The following PKDREJ variants were observed in gnomAD, a reference collection of about 807,000 sequenced individuals.
PKDREJ encodes the protein polycystin family receptor for egg jelly, also known as PKD and REJ homolog.
For missense variants in PKDREJ, 2,507 were observed against 2,807.2 expected, an observed-to-expected ratio of 0.89 and a Z score of 2.42; for synonymous variants, 1,031 against 1,095.5, an observed-to-expected ratio of 0.94 and a Z score of 1.16.
rs771232322 is a variant in PKDREJ, at chr22:46,262,378, G to C, written c.945C>G (p.Asn315Lys). Reference sequence around the variant, plus strand: ...AGTCTTTCACCTCGGGCATCTTGGGGTTCCCTGTGGTGATGGACACCGTGA... The same window carrying C: ...AGTCTTTCACCTCGGGCATCTTGGGCTTCCCTGTGGTGATGGACACCGTGA... ...FNFTVSITTG[N>K]PKMPEVKDSD... Residue 315 changes from asparagine (N) to lysine (K), a missense_variant, in exon 1 of 1, where the codon AAC (asparagine) becomes AAG (lysine). By Grantham distance (94) the Asn-to-Lys change is moderately conservative. Transcript: ENST00000253255. This position sits in a 1 kb window ranked among gnomAD's most constrained non-coding sequence, Gnocchi z 8.1. The C allele has an allele frequency of 1.2e-6, 2 of 1,614,112 alleles. No homozygotes were observed. Among genetic ancestry groups the C allele is most frequent in the Middle Eastern group, 1.6e-4 (1 of 6,062 alleles).
chr22:46,256,622 C>A lies in PKDREJ; in HGVS notation c.6701G>T (p.Arg2234Leu). ...LYGQPEKNSH[R>L]YLGLKTRNIN... ...GTTTCTGGTCTTCAGCCCCAGATAA[C>A]GGTGGCTGTTCTTCTCTGGCTGCCC... Residue 2234 changes from arginine to leucine, a missense_variant, in exon 1 of 1, where the codon CGT becomes CTT. Physicochemically the swap from Arg to Leu is moderately radical, Grantham distance 102. Transcript: ENST00000253255. This position sits in a 1 kb window ranked among gnomAD's most constrained non-coding sequence, Gnocchi z 5.3. 6.2e-7 allele frequency: 1 copy of A among 1,614,162 alleles called. No homozygotes were observed. Among genetic ancestry groups the A allele is most frequent in the South Asian group, 1.1e-5 (1 of 91,078 alleles).
Position 46,262,307 on chromosome 22 carries a change from A to G in PKDREJ, c.1016T>C (p.Val339Ala), listed in dbSNP as rs113301350. Residue 339 changes from valine (V) to alanine (A), a missense_variant, in exon 1 of 1, where the codon GTG (valine) becomes GCG (alanine). Val to Ala is a moderately conservative substitution (Grantham distance 64). Coordinates refer to ENST00000253255, the MANE Select transcript of PKDREJ (RefSeq NM_006071.2). The surrounding 1 kb of genome is among the most constrained non-coding windows in gnomAD (Gnocchi z 8.1). ...VWIVRSSLQA[V>A]MLGDANITAN... is the part of the protein sequence containing the mutation. ...TGTTATGTTGGCATCGCCAAGCATC[A>G]CCGCCTGCAGGGAACTCCTGACGAT... 7.5e-4 allele frequency: 1,215 copies of G among 1,614,154 alleles called. 6 individuals are homozygous for G. In the Middle Eastern group the frequency reaches 0.012, roughly 15 times the overall value.
chr22:46,258,267 A>G lies in PKDREJ; in HGVS notation c.5056T>C (p.Tyr1686His), dbSNP rs1936655355. 1.2e-6 allele frequency: 2 copies of G among 1,614,082 alleles called. No individual in the cohort carries two copies. The highest frequency in any genetic ancestry group is 2.2e-5 in the South Asian group (2 of 91,092). The change falls in exon 1 of 1, where the codon TAC becomes CAC. Residue 1686 changes from tyrosine to histidine, a missense_variant. Transcript: ENST00000253255. The surrounding 1 kb of genome is among the most constrained non-coding windows in gnomAD (Gnocchi z 6.1). ...ATTTCATCTTCTGTAAGGGGTTGGTACATCCTCGTGCCTCGGATTCGGACG... is the reference window on the plus strand; with the variant it reads ...ATTTCATCTTCTGTAAGGGGTTGGTGCATCCTCGTGCCTCGGATTCGGACG... ...QIVRIRGTRM[Y>H]QPLTEDEIRI...
Position 46,259,110 on chromosome 22 carries a change from T to C in PKDREJ, c.4213A>G (p.Ile1405Val), listed in dbSNP as rs765214810. The change falls in exon 1 of 1, where the codon ATT becomes GTT. Residue 1405 changes from isoleucine to valine, a missense_variant. By Grantham distance (29) the Ile-to-Val change is conservative (BLOSUM62 3). Coordinates refer to ENST00000253255, the MANE Select transcript of PKDREJ (RefSeq NM_006071.2). This position sits in a 1 kb window ranked among gnomAD's most constrained non-coding sequence, Gnocchi z 6.8. ...TGTCTATTTAGATTAAAGAACATAA[T>C]GTTACAAAGAAGAGAGCTAAGCAAC... ...AMLLSSLLCN[I>V]MFFNLNRQEQ... The C allele has an allele frequency of 1.9e-6, 3 of 1,613,882 alleles. No individual in the cohort carries two copies. Among genetic ancestry groups the C allele is most frequent in the South Asian group, 1.1e-5 (1 of 91,050 alleles).
Position 46,262,628 on chromosome 22 carries a change from C to T in PKDREJ, c.695G>A (p.Arg232His), listed in dbSNP as rs139809363. ...GGTGGCCTCCGCCTGCATGCTCAGG[C>T]GCACGGGGGCGCCCTTCTGGTCCGT... ...INTDQKGAPV[R>H]LSMQAEATIN... is the part of the protein sequence containing the mutation. The change falls in exon 1 of 1, where the codon CGC (arginine) becomes CAC (histidine). Residue 232 changes from arginine to histidine, a missense_variant. Transcript: ENST00000253255. The surrounding 1 kb of genome is among the most constrained non-coding windows in gnomAD (Gnocchi z 8.1). 1.6e-5 allele frequency: 26 copies of T among 1,612,866 alleles called. No individual in the cohort carries two copies. In the African/African-American group the frequency reaches 2.9e-4, roughly 18 times the overall value.
Position 46,258,505 on chromosome 22 carries a change from C to T in PKDREJ, c.4818G>A (p.Lys1606=). 6.2e-7 allele frequency: 1 copy of T among 1,614,138 alleles called. No individual in the cohort carries two copies. Among genetic ancestry groups the T allele is most frequent in the Non-Finnish European group, 8.5e-7 (1 of 1,179,974 alleles). Residue 1606 remains lysine (K), a synonymous_variant, in exon 1 of 1, where the codon AAG becomes AAA. Transcript: ENST00000253255. The surrounding 1 kb of genome is among the most constrained non-coding windows in gnomAD (Gnocchi z 6.1). Reference sequence around the variant, plus strand: ...AAGATGCAAAGAGCCATTCTATTGACTTGTCATAGCCGTAAGTCAGTCCAT... The same window carrying T: ...AAGATGCAAAGAGCCATTCTATTGATTTGTCATAGCCGTAAGTCAGTCCAT... ...VFYGLTYGYD[K]SIEWLFASFC...
rs1454732302 is a variant in PKDREJ at position 46,261,611 on chromosome 22, G to A, written c.1712C>T (p.Ala571Val). Residue 571 changes from alanine to valine, a missense_variant, in exon 1 of 1, where the codon GCT becomes GTT. Transcript: ENST00000253255. The surrounding 1 kb of genome is among the most constrained non-coding windows in gnomAD (Gnocchi z 7.1). ...PQIGECKINP[A>V]KGIALITKFV... is the part of the protein sequence containing the mutation. Reference sequence around the variant, plus strand: ...TTTAGTAATAAGTGCAATTCCTTTAGCTGGATTAATTTTGCATTCTCCGAT... The same window carrying A: ...TTTAGTAATAAGTGCAATTCCTTTAACTGGATTAATTTTGCATTCTCCGAT... The A allele has an allele frequency of 1.2e-6, 2 of 1,613,768 alleles. No individual in the cohort carries two copies. The highest frequency in any genetic ancestry group is 1.7e-6 in the Non-Finnish European group (2 of 1,179,750).
rs1936639715 is a variant in PKDREJ at position 46,257,033 on chromosome 22, G to T, written c.6290C>A (p.Ser2097Tyr). 1 of 1,613,946 alleles carries T rather than the reference G, an allele frequency of 6.2e-7. No individual in the cohort carries two copies. Among genetic ancestry groups the T allele is most frequent in the South Asian group, 1.1e-5 (1 of 91,080 alleles). ...AGCCATGTATACGAAGAAATACACG[G>T]ACACAACAAATGCCATGTGGCAGAT... ...PGICHMAFVV[S>Y]VYFFVYMAFG... Residue 2097 changes from serine to tyrosine, a missense_variant, in exon 1 of 1, where the codon TCC (serine) becomes TAC (tyrosine). Ser to Tyr is a moderately radical substitution (Grantham distance 144). Transcript: ENST00000253255. This position sits in a 1 kb window ranked among gnomAD's most constrained non-coding sequence, Gnocchi z 4.7.
rs200711478 is a variant in PKDREJ at position 46,256,524 on chromosome 22, G to A, written c.*37C>T. On this transcript the variant is annotated 3_prime_UTR_variant, in exon 1 of 1. Coordinates refer to ENST00000253255, the MANE Select transcript of PKDREJ (RefSeq NM_006071.2). The surrounding 1 kb of genome is among the most constrained non-coding windows in gnomAD (Gnocchi z 5.3). ...TTAATCCCACAGACTCAGCAGTTGG[G>A]GGAACGCTTGCTTGTGACTCATGAA... 8.2e-6 allele frequency: 13 copies of A among 1,577,750 alleles called. No individual in the cohort carries two copies. Among genetic ancestry groups the A allele is most frequent in the Non-Finnish European group, 1.1e-5 (13 of 1,165,576 alleles).
In PKDREJ at chr22:46,261,634, G is replaced by A. The variant is rs771732268; in HGVS notation, c.1689C>T (p.Ile563=). 14 of 1,613,714 alleles carry A rather than the reference G, an allele frequency of 8.7e-6. No individual in the cohort carries two copies. The East Asian group carries it at 1.6e-4, about 18-fold the overall frequency. Residue 563 remains isoleucine, a synonymous_variant, in exon 1 of 1, where the codon ATC becomes ATT. Transcript: ENST00000253255. The surrounding 1 kb of genome is among the most constrained non-coding windows in gnomAD (Gnocchi z 7.1). ...HSFIINHGPQ[I]GECKINPAKG... ...TAGCTGGATTAATTTTGCATTCTCC[G>A]ATCTGAGGGCCATGGTTAATAATAA...
In PKDREJ at chr22:46,257,197, T is replaced by G. The variant is rs149239956; in HGVS notation, c.6126A>C (p.Ala2042=). The G allele has an allele frequency of 3.7e-6, 6 of 1,614,016 alleles. No individual in the cohort carries two copies. Among genetic ancestry groups the G allele is most frequent in the Non-Finnish European group, 5.1e-6 (6 of 1,180,034 alleles). ...SNPEDFIPFH[A]VSQVDHIMRI... is the part of the protein sequence containing the mutation. ...TCATAATGTGATCTACCTGAGAAAC[T>G]GCATGAAAGGGAATGAAGTCTTCTG... Residue 2042 remains alanine (A), a synonymous_variant, in exon 1 of 1, where the codon GCA becomes GCC. Coordinates refer to ENST00000253255, the MANE Select transcript of PKDREJ (RefSeq NM_006071.2). This position sits in a 1 kb window ranked among gnomAD's most constrained non-coding sequence, Gnocchi z 4.7.
rs541600359 is a variant in PKDREJ at position 46,256,956 on chromosome 22, G to C, written c.6367C>G (p.His2123Asp). The change falls in exon 1 of 1, where the codon CAT becomes GAT. Residue 2123 changes from histidine (H) to aspartate (D), a missense_variant. Coordinates refer to ENST00000253255, the MANE Select transcript of PKDREJ (RefSeq NM_006071.2). This position sits in a 1 kb window ranked among gnomAD's most constrained non-coding sequence, Gnocchi z 5.3. ...TAGGAAAATACTGTCTGAGTGGAAT[G>C]AATCAAGTTACTGTAGTTCCATTCA... ...QHEWNYSNLI[H>D]STQTVFSYCV... The C allele has an allele frequency of 4.3e-6, 7 of 1,613,990 alleles. No individual in the cohort carries two copies. The African/African-American group carries it at 5.3e-5, about 12-fold the overall frequency.
rs6007740 is a variant in PKDREJ at position 46,258,426 on chromosome 22, G to A, written c.4897C>T (p.Leu1633=). The A allele has an allele frequency of 0.16, 256,539 of 1,613,834 alleles. 28,770 individuals are homozygous for A. Among genetic ancestry groups the A allele is most frequent in the African/African-American group, 0.59 (43,997 of 74,960 alleles). The change falls in exon 1 of 1, where the codon CTG becomes TTG. Residue 1633 remains leucine (L), a synonymous_variant. Transcript: ENST00000253255. This position sits in a 1 kb window ranked among gnomAD's most constrained non-coding sequence, Gnocchi z 6.1. ...GGTTTATTCGTTCTGAAGCCTGACAGGAGTATAATTTTAGATGGCTGCACC... is the reference window on the plus strand; with the variant it reads ...GGTTTATTCGTTCTGAAGCCTGACAAGAGTATAATTTTAGATGGCTGCACC... ...LLVQPSKIIL[L]SGFRTNKPKY...
rs761760395 is a variant in PKDREJ, at chr22:46,262,586, T to C, written c.737A>G (p.Gln246Arg). 6.2e-7 allele frequency: 1 copy of C among 1,610,892 alleles called. No individual in the cohort carries two copies. The highest frequency in any genetic ancestry group is 1.3e-5 in the African/African-American group (1 of 74,688). The stretch of plus-strand genomic sequence containing the variant: ...GGCGCGCGCGGCCGGGCAGTCCAGC[T>C]GCACCGAGGCGTTGATGGTGGCCTC... ...QAEATINASV[Q>R]LDCPAARAIA... The change falls in exon 1 of 1, where the codon CAG (glutamine) becomes CGG (arginine). Residue 246 changes from glutamine to arginine, a missense_variant. By Grantham distance (43) the Gln-to-Arg change is conservative. Transcript: ENST00000253255. This position sits in a 1 kb window ranked among gnomAD's most constrained non-coding sequence, Gnocchi z 8.1.
chr22:46,261,785 G>C lies in PKDREJ; in HGVS notation c.1538C>G (p.Thr513Arg), dbSNP rs774490549. The part of the protein sequence containing the change: ...MLFDWMGETV[T>R]GRNGAYLSIK... Reference sequence around the variant, plus strand: ...AGACAGATAAGCACCATTCCTTCCTGTTACAGTTTCCCCCATCCAATCAAA... The same window carrying C: ...AGACAGATAAGCACCATTCCTTCCTCTTACAGTTTCCCCCATCCAATCAAA... The change falls in exon 1 of 1, where the codon ACA (threonine) becomes AGA (arginine). Residue 513 changes from threonine to arginine, a missense_variant. Coordinates refer to ENST00000253255, the MANE Select transcript of PKDREJ (RefSeq NM_006071.2). The surrounding 1 kb of genome is among the most constrained non-coding windows in gnomAD (Gnocchi z 7.1). 6.2e-7 allele frequency: 1 copy of C among 1,614,000 alleles called. No homozygotes were observed. Among genetic ancestry groups the C allele is most frequent in the Non-Finnish European group, 8.5e-7 (1 of 1,180,022 alleles).
chr22:46,259,516 T>C lies in PKDREJ; in HGVS notation c.3807A>G (p.Pro1269=), dbSNP rs1281939696. 2.5e-6 allele frequency: 4 copies of C among 1,614,080 alleles called. No individual in the cohort carries two copies. The Admixed American group carries it at 6.7e-5, about 27-fold the overall frequency. ...STSDVHCLSH[P]HFTTLYRGSI... is the part of the protein sequence containing the mutation. ...TACCTCGGTAGAGAGTTGTGAAATG[T>C]GGATGGCTTAAACAATGCACGTCGC... The change falls in exon 1 of 1, where the codon CCA becomes CCG. Residue 1269 remains proline (P), a synonymous_variant. Transcript: ENST00000253255. The surrounding 1 kb of genome is among the most constrained non-coding windows in gnomAD (Gnocchi z 6.8).
In PKDREJ at chr22:46,259,884, T is replaced by C. The variant is rs778725865; in HGVS notation, c.3439A>G (p.Ile1147Val). Reference protein sequence around the residue: ...VVRARRQLGTIGLTGIHLHTH... With the variant: ...VVRARRQLGTVGLTGIHLHTH... ...TGCAGGTGAATGCCCGTGAGTCCGA[T>C]TGTGCCCAGCTGCCGCCTAGCCCTT... Residue 1147 changes from isoleucine to valine, a missense_variant, in exon 1 of 1, where the codon ATC becomes GTC. By Grantham distance (29) the Ile-to-Val change is conservative (BLOSUM62 3). Coordinates refer to ENST00000253255, the MANE Select transcript of PKDREJ (RefSeq NM_006071.2). This position sits in a 1 kb window ranked among gnomAD's most constrained non-coding sequence, Gnocchi z 6.8. 21 of 1,613,498 alleles carry C rather than the reference T, an allele frequency of 1.3e-5. No homozygotes were observed. In the Admixed American group the frequency reaches 1.7e-4, roughly 13 times the overall value.
At position 46,257,655 on chromosome 22, in the gene PKDREJ, G is replaced by A. The variant is rs764020586; in HGVS notation, c.5668C>T (p.Gln1890Ter). ...GYALYFFPEQ[Q>*]RFNSTLRLKE... is the part of the protein sequence containing the mutation. ...AGCCTCAGTGTGGAATTAAACCGCT[G>A]CTGTTCTGGAAAAAAATAGAGTGCA... Residue 1890 changes from glutamine (Q) to a stop codon, truncating the protein, a stop_gained, in exon 1 of 1, where the codon CAG (glutamine) becomes TAG (stop). Coordinates refer to ENST00000253255, the MANE Select transcript of PKDREJ (RefSeq NM_006071.2). LOFTEE classifies it low-confidence loss of function (END_TRUNC). The surrounding 1 kb of genome is among the most constrained non-coding windows in gnomAD (Gnocchi z 4.7). 5 of 1,614,016 alleles carry A rather than the reference G, an allele frequency of 3.1e-6. No individual in the cohort carries two copies. Among genetic ancestry groups the A allele is most frequent in the Admixed American group, 1.7e-5 (1 of 59,996 alleles).
rs749862894 is a variant in PKDREJ, at chr22:46,259,191, T to C, written c.4132A>G (p.Ser1378Gly). ...KNHMWFSIFASVVAKTFNRLQ... is the reference protein window; with the variant it reads ...KNHMWFSIFAGVVAKTFNRLQ... ...CTATTGAATGTTTTAGCAACAACAC[T>C]AGCAAAAATAGAGAACCACATGTGG... The change falls in exon 1 of 1, where the codon AGT (serine) becomes GGT (glycine). Residue 1378 changes from serine (S) to glycine (G), a missense_variant. Ser to Gly is a moderately conservative substitution (Grantham distance 56). Coordinates refer to ENST00000253255, the MANE Select transcript of PKDREJ (RefSeq NM_006071.2). The surrounding 1 kb of genome is among the most constrained non-coding windows in gnomAD (Gnocchi z 6.8). 6.2e-7 allele frequency: 1 copy of C among 1,613,694 alleles called. No individual in the cohort carries two copies. Among genetic ancestry groups the C allele is most frequent in the Admixed American group, 1.7e-5 (1 of 59,978 alleles).
Sources: gnomAD v4.1 joint callset for allele counts on GRCh38, gnomAD v4.1.1 for gene constraint, Gnocchi (gnomAD v3.1) non-coding constraint, MANE v1.5 for transcripts, NCBI Gene and HGNC (gene_info 2026-07-23, HGNC 2026-07-21) for gene names.